The following CFAP54 variants were observed in gnomAD, a reference collection of about 807,000 sequenced individuals.
CFAP54 encodes the protein cilia and flagella associated protein 54, also known as cilia- and flagella-associated protein 54.
CFAP54 carries 290 observed loss-of-function variants against 370.4 expected under a neutral mutation model. That is an observed-to-expected ratio of 0.78 (90% confidence interval 0.71 to 0.86). The LOEUF is 0.86. CFAP54 is among the 40% of genes least tolerant of loss of function. CFAP54 has a pLI of 0.00. For synonymous variants in CFAP54, 1,206 were observed against 1,236.5 expected (o/e 0.98, Z 0.52); for missense variants, 3,399 against 3,528.7 (o/e 0.96, Z 0.93).
chr12:96,652,141 G>A (rs1956866494), intron 36 of CFAP54, among the ~76,000 whole-genome samples: 2 of 152,098 alleles, frequency 1.3e-5, no homozygotes, highest in Admixed American at 6.5e-5. Flanking sequence ...AGATCACATA[G>A]CTTGAATAAA....
At chr12:96,737,479 A>G (rs928728822) in intron 50 of CFAP54, among the ~76,000 whole-genome samples, 1 of 145,820 alleles carries the variant, frequency 6.9e-6, no homozygotes, top group Non-Finnish European at 1.5e-5. Context: ...ATTATATTTT[A>G]TATATATATA....
intron 35 of CFAP54, among the ~76,000 whole-genome samples, chr12:96,650,672 G>A (rs765272448): frequency 6.6e-6 from 1 of 151,938 alleles, no homozygotes; most frequent in Non-Finnish European, 1.5e-5. Context: ...AGGGCATAGG[G>A]CATATACTTT....
intron 64 of CFAP54, among the ~76,000 whole-genome samples, chr12:96,816,797 C>T (rs1452741260): frequency 2.0e-5 from 3 of 152,322 alleles, no homozygotes; most frequent in Non-Finnish European, 4.4e-5. Context: ...TGTTTGCCTT[C>T]TTCAACTGTA....
intron 13 of CFAP54, 163 bp downstream of exon 13, chr12:96,538,681 C>T: frequency 1.4e-6 from 1 of 693,440 alleles, no homozygotes; most frequent in Non-Finnish European, 2.3e-6. Flanking sequence ...GCTGAGTGAC[C>T]CTTTCTTTTA....
intron 1 of CFAP54, among the ~76,000 whole-genome samples, chr12:96,495,237 T>TCTCC (rs1954936503): frequency 6.9e-6 from 1 of 144,000 alleles, no homozygotes; most frequent in African/African-American, 2.6e-5. Flanking sequence ...TCTTTTCTTT[T>TCTCC]CTCCTTCCTT....
chr12:96,554,198 A>G lies in CFAP54; in HGVS notation c.2171A>G (p.Gln724Arg), dbSNP rs1376635623. 6.6e-7 allele frequency: 1 copy of G among 1,509,364 alleles called. No homozygotes were observed. Among genetic ancestry groups the G allele is most frequent in the East Asian group, 2.5e-5 (1 of 40,076 alleles). The allele number at this position is 1,509,364 out of a possible 1,614,324, so 93.5% of individuals were successfully genotyped here. Reference protein sequence around the residue: ...LPILQKNPVEQLLFAYKLLDR... With the variant: ...LPILQKNPVERLLFAYKLLDR... ...TTATTTTAGAAAAATCCTGTGGAAC[A>G]GTTACTTTTTGCTTATAAACTTCTT... Residue 724 changes from glutamine (Q) to arginine (R), a missense_variant, in exon 16 of 68, where the codon CAG becomes CGG. Physicochemically the swap from Gln to Arg is conservative, Grantham distance 43. Coordinates refer to ENST00000524981, the MANE Select transcript of CFAP54 (RefSeq NM_001306084.2).
chr12:96,765,469 T>C (rs959605426), intron 60 of CFAP54, among the ~76,000 whole-genome samples: 1 of 152,214 alleles, frequency 6.6e-6, no homozygotes, highest in Non-Finnish European at 1.5e-5. Flanking sequence ...ATTTTACATC[T>C]GTTTCTTTTC....
At chr12:96,760,765 A>T (rs1958327155) in intron 58 of CFAP54, among the ~76,000 whole-genome samples, 1 of 152,032 alleles carries the variant, frequency 6.6e-6, no homozygotes, top group Non-Finnish European at 1.5e-5. Context: ...TCATAGGTTG[A>T]CCCATGTTGT....
chr12:96,716,681 A>T (rs1258346679), intron 48 of CFAP54, among the ~76,000 whole-genome samples: 1 of 152,186 alleles, frequency 6.6e-6, no homozygotes, highest in Non-Finnish European at 1.5e-5. Flanking sequence ...GCTATCCTGG[A>T]GGCACACCAT....
At chr12:96,604,449 G>A (rs1956279795) in intron 26 of CFAP54, among the ~76,000 whole-genome samples, 2 of 152,242 alleles carry the variant, frequency 1.3e-5, no homozygotes, top group African/African-American at 4.8e-5. Context: ...TCCATTATCG[G>A]AGCTCAATCG....
At chr12:96,588,958 TG>T (rs908582896) in intron 22 of CFAP54, among the ~76,000 whole-genome samples, 2 of 152,236 alleles carry the variant, frequency 1.3e-5, no homozygotes, top group Admixed American at 6.5e-5. Flanking sequence ...GTGAACTTTT[TG>T]TTGCACAGAA....
In CFAP54 at chr12:96,651,691, A is replaced by T; in HGVS notation, c.4976A>T (p.Asp1659Val). 1 of 1,614,010 alleles carries T rather than the reference A, an allele frequency of 6.2e-7. No homozygotes were observed. The highest frequency in any genetic ancestry group is 8.5e-7 in the Non-Finnish European group (1 of 1,179,884). ...CAAATACTTCTTAAACAGGCAGTGG[A>T]TCTTGATAAAACATTTCCTATTAGC... Reference protein sequence around the residue: ...ELQILLKQAVDLDKTFPISQD... With the variant: ...ELQILLKQAVVLDKTFPISQD... The change falls in exon 36 of 68, where the codon GAT becomes GTT. Residue 1659 changes from aspartate (D) to valine (V), a missense_variant. By Grantham distance (152) the Asp-to-Val change is radical. This residue lies in a region of CFAP54 where 2,796 missense variants were observed against 2,869.7 expected (regional missense o/e 0.97). Transcript: ENST00000524981.
Position 96,869,806 on chromosome 12 carries a change from A to C in CFAP54, c.*15-5312A>C, listed in dbSNP as rs555075716. On this transcript the variant is annotated intron_variant, in intron 67 of 67. Coordinates refer to ENST00000524981, the MANE Select transcript of CFAP54 (RefSeq NM_001306084.2). ...CAAAATTTGCTGGGTGTGGTGGTGC[A>C]TGCCTGTAATCCCAGCTACTTGGGA... Among the ~76,000 whole-genome samples the C allele has an allele frequency of 4.3e-4, 65 of 151,778 alleles. No homozygotes were observed. The South Asian group carries it at 0.013, about 31-fold the overall frequency.
intron 66 of CFAP54, among the ~76,000 whole-genome samples, chr12:96,834,176 T>C (rs916073319): frequency 6.6e-6 from 1 of 151,946 alleles, no homozygotes; most frequent in Non-Finnish European, 1.5e-5. Flanking sequence ...TGTAGATTAG[T>C]CTTTAAGAAG....
At chr12:96,703,529 G>A (rs868717576) in intron 46 of CFAP54, among the ~76,000 whole-genome samples, 1 of 151,924 alleles carries the variant, frequency 6.6e-6, no homozygotes, top group Non-Finnish European at 1.5e-5. Context: ...CTACCAATGG[G>A]AATCTTTTAA....
chr12:96,562,656 C>A (rs1284985348), intron 17 of CFAP54, among the ~76,000 whole-genome samples: 1 of 151,978 alleles, frequency 6.6e-6, no homozygotes, highest in Non-Finnish European at 1.5e-5. Flanking sequence ...TCTCGGAACT[C>A]CTGACCTCAA....
chr12:96,828,592 C>T (rs188211070), intron 65 of CFAP54, among the ~76,000 whole-genome samples: 1 of 152,232 alleles, frequency 6.6e-6, no homozygotes, highest in African/African-American at 2.4e-5. Context: ...GGTGTCCACA[C>T]ATGAACATGG....
chr12:96,817,199 G>T (rs1347849805), intron 64 of CFAP54, among the ~76,000 whole-genome samples: 2 of 152,104 alleles, frequency 1.3e-5, no homozygotes, highest in Non-Finnish European at 2.9e-5. Flanking sequence ...CAATATTTTA[G>T]ATGTGTGCCT....
chr12:96,837,546 G>T (rs1959190174), intron 66 of CFAP54, among the ~76,000 whole-genome samples: 2 of 152,172 alleles, frequency 1.3e-5, no homozygotes, highest in Non-Finnish European at 2.9e-5. Flanking sequence ...TGCAGGTTGG[G>T]TCTTATACAA....
Sources: gnomAD v4.1 joint callset for allele counts (sites outside exome capture counted in the v4.1 genomes callset) on GRCh38, gnomAD v4.1.1 for gene constraint, gnomAD v4.1.1 regional missense constraint, MANE v1.5 for transcripts, NCBI Gene and HGNC (gene_info 2026-07-23, HGNC 2026-07-21) for gene names.